Variants in HCFC2 observed in about 807,000 individuals in gnomAD.
HCFC2 encodes host cell factor 2.
HCFC2 carries 18 observed loss-of-function variants against 89.2 expected under a neutral mutation model. The observed-to-expected ratio is 0.20, with a 90% CI of 0.14 to 0.30. The LOEUF is 0.30. HCFC2 is among the 10% of genes least tolerant of loss of function. The probability of loss-of-function intolerance (pLI) is 1.00; values close to 1 mark genes in which losing one functional copy is unlikely to be tolerated. For missense variants in HCFC2, 578 were observed against 956.1 expected, an observed-to-expected ratio of 0.60 and a Z score of 5.21; for synonymous variants, 308 against 335.7, an observed-to-expected ratio of 0.92 and a Z score of 0.90.
At chr12:104,077,570 A>T (rs775458943) in intron 3 of HCFC2, among the ~76,000 whole-genome samples, 107 of 136,512 alleles carry the variant, frequency 7.8e-4, no homozygotes, top group Non-Finnish European at 1.6e-3. Context: ...TTTTTTTTAA[A>T]CTATCTTATT....
At position 104,095,377 on chromosome 12, in the gene HCFC2, A is replaced by G; in HGVS notation, c.1480A>G (p.Asn494Asp). ...RKNEGPHTSA[N>D]VGVLSSCLDV... ...TATTTTAGGTCCTCACACTTCAGCAAATGTAGGTGTTCTAAGTAGTTGCCT... is the reference window on the plus strand; with the variant it reads ...TATTTTAGGTCCTCACACTTCAGCAGATGTAGGTGTTCTAAGTAGTTGCCT... Residue 494 changes from asparagine (N) to aspartate (D), a missense_variant, in exon 11 of 15, where the codon AAT becomes GAT. Coordinates refer to ENST00000229330, the MANE Select transcript of HCFC2 (RefSeq NM_013320.3). The surrounding 1 kb of genome is among the most constrained non-coding windows in gnomAD (Gnocchi z 4.2). 1.2e-6 allele frequency: 2 copies of G among 1,613,050 alleles called. No homozygotes were observed.
intron 3 of HCFC2, among the ~76,000 whole-genome samples, chr12:104,075,917 A>G (rs1883481001): frequency 1.3e-5 from 2 of 151,330 alleles, no homozygotes; most frequent in African/African-American, 4.9e-5. Flanking sequence ...ATTGATTTCT[A>G]TTTTCTCTTT....
At chr12:104,101,135 G>A (rs180964933) in intron 13 of HCFC2, among the ~76,000 whole-genome samples, 2 of 152,282 alleles carry the variant, frequency 1.3e-5, no homozygotes, top group East Asian at 3.9e-4. Context: ...CCTACCTAGA[G>A]TATATAATCT....
At chr12:104,100,207 A>C (rs2136630043) in intron 13 of HCFC2, among the ~76,000 whole-genome samples, 1 of 152,268 alleles carries the variant, frequency 6.6e-6, no homozygotes, top group African/African-American at 2.4e-5. Context: ...CATATATGAG[A>C]TATTTTATGT....
rs1011057786 is a variant in HCFC2 at position 104,106,259 on chromosome 12, T to A, written c.*2986T>A. On this transcript the variant is annotated 3_prime_UTR_variant, in exon 15 of 15. Coordinates refer to ENST00000229330, the MANE Select transcript of HCFC2 (RefSeq NM_013320.3). Reference sequence around the variant, plus strand: ...AGATTCATTCTGATTAGAAATAAGGTCTATAGCTAAAGATATTTTTATTTT... The same window carrying A: ...AGATTCATTCTGATTAGAAATAAGGACTATAGCTAAAGATATTTTTATTTT... The A allele has an allele frequency of 6.6e-6, 1 of 152,158 alleles. No homozygotes were observed. The highest frequency in any genetic ancestry group is 1.5e-5 in the Non-Finnish European group (1 of 67,980). The allele number at this position is 152,158 out of a possible 1,614,324, so 9.4% of individuals were successfully genotyped here.
chr12:104,100,284 G>A (rs1005813625), intron 13 of HCFC2, among the ~76,000 whole-genome samples: 3 of 151,998 alleles, frequency 2.0e-5, no homozygotes, highest in Non-Finnish European at 4.4e-5. Flanking sequence ...AAAGCACATT[G>A]GAAAAATTTA....
intron 8 of HCFC2, 43 bp downstream of exon 8, chr12:104,087,057 T>G (rs1361688283): frequency 6.2e-7 from 1 of 1,601,268 alleles, no homozygotes; most frequent in East Asian, 2.2e-5. Context: ...CTCACATGCT[T>G]TTAAAAATAT....
At chr12:104,076,133 A>T (rs1883488285) in intron 3 of HCFC2, among the ~76,000 whole-genome samples, 1 of 152,194 alleles carries the variant, frequency 6.6e-6, no homozygotes, top group South Asian at 2.1e-4. Flanking sequence ...TGTCTATTAA[A>T]TCAATGTTTT....
chr12:104,076,421 G>A (rs768628886), intron 3 of HCFC2, among the ~76,000 whole-genome samples: 73 of 134,184 alleles, frequency 5.4e-4, no homozygotes, highest in Admixed American at 2.6e-3. Context: ...TGTGTACATC[G>A]TTTTGTTGCA....
chr12:104,097,580 A>T, intron 12 of HCFC2: 1 of 668,152 alleles, frequency 1.5e-6, no homozygotes, highest in Non-Finnish European at 1.9e-6. Flanking sequence ...TGTGAATTAT[A>T]AGCATGTACC....
chr12:104,088,923 C>A (rs1593605436), intron 9 of HCFC2, among the ~76,000 whole-genome samples: 1 of 152,134 alleles, frequency 6.6e-6, no homozygotes, highest in African/African-American at 2.4e-5. Context: ...TACCCTGTCC[C>A]TACCTGCTCT....
In HCFC2 at chr12:104,082,735, A is replaced by C; in HGVS notation, c.897A>C (p.Leu299=). 6.2e-7 allele frequency: 1 copy of C among 1,613,426 alleles called. No homozygotes were observed. Among genetic ancestry groups the C allele is most frequent in the South Asian group, 1.1e-5 (1 of 90,894 alleles). The change falls in exon 7 of 15, where the codon CTA becomes CTC. Residue 299 remains leucine (L), a synonymous_variant. Coordinates refer to ENST00000229330, the MANE Select transcript of HCFC2 (RefSeq NM_013320.3). The part of the protein sequence containing the change: ...LNLDTTEWTT[L]VSDSQEDKKN... The stretch of plus-strand genomic sequence containing the variant: ...CAGATACAACAGAGTGGACCACCCT[A>C]GTATCAGATTCTCAGGAAGATAAAA...
chr12:104,088,657 C>T (rs1032602486), intron 9 of HCFC2, among the ~76,000 whole-genome samples: 5 of 152,136 alleles, frequency 3.3e-5, no homozygotes, highest in African/African-American at 7.2e-5. Context: ...GGTATTGGCT[C>T]ATACGTTCTG....
At chr12:104,093,655 C>A in intron 10 of HCFC2, 92 bp downstream of exon 10, 1 of 1,190,494 alleles carries the variant, frequency 8.4e-7, no homozygotes, top group Non-Finnish European at 1.2e-6. Context: ...CAGTTTTGAT[C>A]CATTTTCCTA....
At position 104,064,542 on chromosome 12, in the gene HCFC2, A is replaced by G. The variant is rs1882982547; in HGVS notation, c.-19A>G. The G allele has an allele frequency of 2.0e-6, 3 of 1,479,342 alleles. No individual in the cohort carries two copies. The highest frequency in any genetic ancestry group is 9.0e-7 in the Non-Finnish European group (1 of 1,112,680). 91.6% of individuals were successfully genotyped at this position (1,479,342 alleles called of 1,614,324 possible). On this transcript the variant is annotated 5_prime_UTR_variant, in exon 1 of 15. Transcript: ENST00000229330. This position sits in a 1 kb window ranked among gnomAD's most constrained non-coding sequence, Gnocchi z 7.3. ...GGCGGGAGCGGTGCATTGTGGGCAG[A>G]GGGGCGGGGGTTGGGAAGATGGCGG...
chr12:104,082,459 T>G, intron 5 of HCFC2, 41 bp from the exon 6 acceptor site: 11 of 1,275,640 alleles, frequency 8.6e-6, no homozygotes, highest in Non-Finnish European at 1.1e-5. Context: ...AGAAGTAAAA[T>G]GAAATAAGCT....
chr12:104,075,305 T>C (rs1410017166), intron 3 of HCFC2, among the ~76,000 whole-genome samples: 1 of 152,106 alleles, frequency 6.6e-6, no homozygotes, highest in African/African-American at 2.4e-5. Flanking sequence ...TTCCTAAATA[T>C]TAGTTTTGTC....
chr12:104,087,352 TAA>T (rs67436445), intron 8 of HCFC2, among the ~76,000 whole-genome samples: 276 of 129,040 alleles, frequency 2.1e-3, no homozygotes, highest in Middle Eastern at 3.7e-3. Flanking sequence ...GACTCTGTCT[TAA>T]AAAAAAAAAA....
intron 3 of HCFC2, among the ~76,000 whole-genome samples, chr12:104,079,065 C>T (rs1197230382): frequency 6.6e-6 from 1 of 152,148 alleles, no homozygotes; most frequent in Admixed American, 6.5e-5. Context: ...TTAATCAAAG[C>T]AGTCACAAAC....
Sources: allele counts gnomAD v4.1 joint callset (sites outside exome capture counted in the v4.1 genomes callset), GRCh38; gene constraint gnomAD v4.1.1; non-coding constraint Gnocchi (gnomAD v3.1); transcripts MANE v1.5; gene names NCBI Gene and HGNC (gene_info 2026-07-23, HGNC 2026-07-21).